SH3KBP1: variants seen among roughly 807,000 people sequenced by gnomAD.
The protein encoded by SH3KBP1 is SH3 domain-containing kinase-binding protein 1.
A neutral mutation model predicts 50.1 loss-of-function variants in SH3KBP1; 8 were observed. That is an observed-to-expected ratio of 0.16 (90% CI 0.09 to 0.29). The LOEUF (loss-of-function observed/expected upper bound fraction) is 0.29, where lower values mean the gene tolerates loss of function less well. SH3KBP1 is among the 10% of genes least tolerant of loss of function. The pLI is 1.00. For synonymous variants in SH3KBP1, 227 were observed against 218.6 expected (o/e 1.04, Z -0.34); for missense variants, 377 against 535.2 (o/e 0.70, Z 2.92).
chrX:19,633,809 T>G (rs1030410589), intron 7 of SH3KBP1, among the ~76,000 whole-genome samples: 3 of 111,727 alleles, frequency 2.7e-5, no homozygotes, highest in Non-Finnish European at 3.8e-5. Flanking sequence ...CCCACCCTCT[T>G]CCTAGTTCAC....
At chrX:19,639,907 C>CTTT (rs377700054) in intron 7 of SH3KBP1, among the ~76,000 whole-genome samples, 1 of 83,166 alleles carries the variant, frequency 1.2e-5, no homozygotes, top group Non-Finnish European at 2.4e-5. Context: ...AGAGTTGACT[C>CTTT]TTTTTTTTTT....
chrX:19,741,013 A>G (rs774134339), intron 3 of SH3KBP1, among the ~76,000 whole-genome samples: 15 of 113,076 alleles, frequency 1.3e-4, no homozygotes, highest in Non-Finnish European at 1.9e-4. Context: ...AGCTACAGGT[A>G]GCAGACCAAA....
intron 4 of SH3KBP1, among the ~76,000 whole-genome samples, chrX:19,706,668 A>G (rs1290871170): frequency 9.0e-6 from 1 of 110,744 alleles, no homozygotes; most frequent in Non-Finnish European, 1.9e-5. Context: ...TGTTAGAGAC[A>G]ATGCTTTCCA....
At chrX:19,728,538 G>C (rs753794800) in intron 3 of SH3KBP1, among the ~76,000 whole-genome samples, 66 of 112,079 alleles carry the variant, frequency 5.9e-4, no homozygotes, top group African/African-American at 1.9e-3. Context: ...TCACCATGGG[G>C]CATTCTCAGC....
At chrX:19,623,963 C>T (rs969237818) in intron 8 of SH3KBP1, among the ~76,000 whole-genome samples, 1 of 111,848 alleles carries the variant, frequency 8.9e-6, no homozygotes, top group Non-Finnish European at 1.9e-5. Flanking sequence ...AATAACTTAT[C>T]ATAGCAATAA....
intron 5 of SH3KBP1, among the ~76,000 whole-genome samples, chrX:19,688,010 T>C (rs1375073062): frequency 1.8e-5 from 2 of 112,321 alleles, no homozygotes; most frequent in East Asian, 2.8e-4. Flanking sequence ...ACTTAAAGAA[T>C]AGGAAAACTT....
intron 4 of SH3KBP1, among the ~76,000 whole-genome samples, chrX:19,704,795 CTG>C (rs764720952): frequency 6.0e-4 from 67 of 112,479 alleles, no homozygotes; most frequent in African/African-American, 2.1e-3. Context: ...CTAAAAACCT[CTG>C]TGTTTACCAT....
intron 2 of SH3KBP1, among the ~76,000 whole-genome samples, chrX:19,777,504 T>C (rs2066014864): frequency 9.0e-6 from 1 of 111,284 alleles, no homozygotes; most frequent in African/African-American, 3.3e-5. Context: ...GCTCTGTTTT[T>C]AACCCCCTAG....
At chrX:19,782,984 G>A (rs1167372885) in intron 2 of SH3KBP1, among the ~76,000 whole-genome samples, 2 of 111,850 alleles carry the variant, frequency 1.8e-5, no homozygotes, top group African/African-American at 3.2e-5. Context: ...GCGTGGTGGC[G>A]CGTGCACAGG....
intron 1 of SH3KBP1, among the ~76,000 whole-genome samples, chrX:19,852,232 G>A (rs1013279894): frequency 9.0e-6 from 1 of 111,031 alleles, no homozygotes; most frequent in African/African-American, 3.3e-5. Context: ...ACATGTGAGG[G>A]ACCCAGCCTT....
intron 1 of SH3KBP1, among the ~76,000 whole-genome samples, chrX:19,855,781 T>C (rs1353077828): frequency 8.9e-6 from 1 of 112,301 alleles, no homozygotes; most frequent in African/African-American, 3.2e-5. Context: ...AGTTTCTTTT[T>C]TGTCGTTTAA....
At chrX:19,726,046 G>A (rs1778085745) in intron 3 of SH3KBP1, among the ~76,000 whole-genome samples, 1 of 111,899 alleles carries the variant, frequency 8.9e-6, no homozygotes, top group South Asian at 3.7e-4. Flanking sequence ...TATGCTTCAT[G>A]GCATTAGCTG....
intron 7 of SH3KBP1, among the ~76,000 whole-genome samples, chrX:19,643,092 T>C (rs2061898062): frequency 9.1e-6 from 1 of 109,558 alleles, no homozygotes; most frequent in African/African-American, 3.3e-5. Flanking sequence ...ATTTCTAATA[T>C]GTAGTTGTTC....
chrX:19,708,731 C>G (rs913118338), intron 3 of SH3KBP1, among the ~76,000 whole-genome samples: 1 of 111,966 alleles, frequency 8.9e-6, no homozygotes, highest in African/African-American at 3.3e-5. Flanking sequence ...CCCATAGATG[C>G]TTCTTAAAAT....
intron 3 of SH3KBP1, 89 bp from the exon 4 acceptor site, chrX:19,707,073 A>G (rs1272683077): frequency 3.9e-6 from 3 of 773,763 alleles, no homozygotes; most frequent in Non-Finnish European, 6.0e-6. Context: ...AGGCAAATTA[A>G]GCTGACTTGT....
chrX:19,831,058 G>A (rs1471179756), intron 2 of SH3KBP1, among the ~76,000 whole-genome samples: 7 of 111,794 alleles, frequency 6.3e-5, no homozygotes, highest in East Asian at 2.8e-4. Flanking sequence ...AGGTGGATAC[G>A]AATCCCAACA....
intron 1 of SH3KBP1, among the ~76,000 whole-genome samples, chrX:19,869,087 C>T (rs2068974932): frequency 9.0e-6 from 1 of 111,045 alleles, no homozygotes; most frequent in East Asian, 2.8e-4. Flanking sequence ...GGCCAGAAGC[C>T]AAGGCATGCA....
chrX:19,830,342 C>CAA (rs369662489), intron 2 of SH3KBP1, among the ~76,000 whole-genome samples: 1 of 90,505 alleles, frequency 1.1e-5, no homozygotes. Context: ...TACGTAGAAA[C>CAA]AAAAAAAAAA....
At chrX:19,590,009 G>A (rs2066695091) in intron 11 of SH3KBP1, among the ~76,000 whole-genome samples, 1 of 110,659 alleles carries the variant, frequency 9.0e-6, no homozygotes, top group African/African-American at 3.3e-5. Flanking sequence ...TATTCGGGAG[G>A]CTGAGGCGGG....
Sources: allele counts gnomAD v4.1 joint callset (sites outside exome capture counted in the v4.1 genomes callset), GRCh38; gene constraint gnomAD v4.1.1; transcripts MANE v1.5; gene names NCBI Gene and HGNC (gene_info 2026-07-23, HGNC 2026-07-21).